The following PKHD1 variants were observed in gnomAD, a reference collection of about 807,000 sequenced individuals.
PKHD1 encodes the protein PKHD1 ciliary IPT domain containing fibrocystin/polyductin, also known as fibrocystin.
PKHD1 carries 291 observed loss-of-function variants against 412.0 expected under a neutral mutation model. That is an observed-to-expected ratio of 0.71 (90% CI 0.64 to 0.78). PKHD1 has a LOEUF of 0.78. PKHD1 is among the 30% of genes least tolerant of loss of function. PKHD1 has a pLI of 0.00. For synonymous variants in PKHD1, 1,777 were observed against 1,821.5 expected (o/e 0.98, Z 0.62); for missense variants, 4,825 against 4,950.7 (o/e 0.97, Z 0.76).
chr6:52,032,999 GA>G (rs780819840), intron 29 of PKHD1, 30 bp downstream of exon 29: 2 of 1,589,508 alleles, frequency 1.3e-6, no homozygotes, highest in Non-Finnish European at 1.7e-6. Context: ...GCTCTAAGAA[GA>G]AAAAGATCTT....
chr6:51,891,557 G>C (rs1779125803), intron 43 of PKHD1, among the ~76,000 whole-genome samples: 1 of 152,104 alleles, frequency 6.6e-6, no homozygotes, highest in African/African-American at 2.4e-5. Context: ...GGGATTATAG[G>C]CATGAGGCAC....
At chr6:51,830,039 T>A (rs1767983342) in intron 52 of PKHD1, among the ~76,000 whole-genome samples, 1 of 152,306 alleles carries the variant, frequency 6.6e-6, no homozygotes, top group East Asian at 1.9e-4. Flanking sequence ...CGGCACATTG[T>A]TAGTTCTCAG....
At chr6:52,032,694 A>G (rs1211272633) in intron 29 of PKHD1, among the ~76,000 whole-genome samples, 1 of 152,224 alleles carries the variant, frequency 6.6e-6, no homozygotes, top group Middle Eastern at 3.2e-3. Flanking sequence ...CCTATAAATT[A>G]GGGGCAAGGA....
intron 27 of PKHD1, among the ~76,000 whole-genome samples, chr6:52,042,034 A>T (rs947716106): frequency 6.6e-6 from 1 of 152,198 alleles, no homozygotes; most frequent in Non-Finnish European, 1.5e-5. Context: ...CCTACACTCA[A>T]ACCAATAATT....
At chr6:51,982,318 G>A (rs2128038191) in intron 35 of PKHD1, among the ~76,000 whole-genome samples, 1 of 75,454 alleles carries the variant, frequency 1.3e-5, no homozygotes, top group South Asian at 5.1e-4. Context: ...GTGCCCAGCG[G>A]CTCACTGGGG....
chr6:52,009,750 G>C (rs1306370433), intron 35 of PKHD1, among the ~76,000 whole-genome samples: 3 of 152,220 alleles, frequency 2.0e-5, no homozygotes, highest in African/African-American at 7.2e-5. Context: ...CTTGGAGGGA[G>C]TGGTTTAGAC....
At chr6:51,713,837 T>C (rs984117096) in intron 60 of PKHD1, among the ~76,000 whole-genome samples, 2 of 152,130 alleles carry the variant, frequency 1.3e-5, no homozygotes, top group African/African-American at 4.8e-5. Flanking sequence ...AACAGACACA[T>C]ATCTGGTCTA....
At chr6:51,750,945 T>A (rs1786018494) in intron 57 of PKHD1, among the ~76,000 whole-genome samples, 1 of 151,890 alleles carries the variant, frequency 6.6e-6, no homozygotes, top group African/African-American at 2.4e-5. Context: ...CTTGGCTAAT[T>A]TTTATATTTT....
At chr6:52,082,820 T>TG (rs1812236902) in intron 3 of PKHD1, among the ~76,000 whole-genome samples, 1 of 152,204 alleles carries the variant, frequency 6.6e-6, no homozygotes, top group African/African-American at 2.4e-5. Flanking sequence ...TGCTAAGCAA[T>TG]GGTGCAGAAG....
intron 60 of PKHD1, among the ~76,000 whole-genome samples, chr6:51,712,677 G>A (rs1212207154): frequency 1.3e-5 from 2 of 152,128 alleles, no homozygotes; most frequent in Non-Finnish European, 2.9e-5. Context: ...CTGATGTAGG[G>A]TATTGATAAA....
Position 51,748,375 on chromosome 6 carries a change from T to C in PKHD1, c.9241A>G (p.Ile3081Val), listed in dbSNP as rs142146981. 405 of 1,613,918 alleles carry C rather than the reference T, an allele frequency of 2.5e-4. 2 individuals carry two copies. The highest frequency in any genetic ancestry group is 4.9e-4 in the Middle Eastern group (3 of 6,084). Residue 3081 changes from isoleucine to valine, a missense_variant, in exon 58 of 67, where the codon ATC becomes GTC. Coordinates refer to ENST00000371117, the MANE Select transcript of PKHD1 (RefSeq NM_138694.4). ...PAWSTIWVAG[I>V]KVNQVKDINL... ...ATGTCCTTTACCTGGTTCACTTTGATTCCCGCCACCCAAATGGTGGACCAC... is the reference window on the plus strand; with the variant it reads ...ATGTCCTTTACCTGGTTCACTTTGACTCCCGCCACCCAAATGGTGGACCAC...
intron 58 of PKHD1, 124 bp downstream of exon 58, chr6:51,747,663 C>T: frequency 1.3e-6 from 1 of 785,714 alleles, no homozygotes; most frequent in South Asian, 1.5e-5. Flanking sequence ...CAATACTCAG[C>T]AGGTTGGACA....
intron 60 of PKHD1, among the ~76,000 whole-genome samples, chr6:51,662,815 A>T (rs1382717533): frequency 6.6e-6 from 1 of 152,012 alleles, no homozygotes; most frequent in Admixed American, 6.6e-5. Flanking sequence ...TCAACAACTT[A>T]AAGTAGACAA....
At chr6:51,976,931 G>C (rs113234966) in intron 35 of PKHD1, among the ~76,000 whole-genome samples, 224 of 108,582 alleles carry the variant, frequency 2.1e-3, no homozygotes, top group Non-Finnish European at 2.4e-3. Flanking sequence ...CTGGGTGATA[G>C]AGTGAGACTC....
intron 52 of PKHD1, among the ~76,000 whole-genome samples, chr6:51,828,478 A>C (rs147698373): frequency 5.9e-5 from 9 of 152,296 alleles, no homozygotes; most frequent in African/African-American, 2.2e-4. Context: ...ATCATCGTAA[A>C]AATCATTTCA....
At position 51,659,042 on chromosome 6, in the gene PKHD1, G is replaced by A. The variant is rs754803941; in HGVS notation, c.11084C>T (p.Thr3695Ile). 6.2e-7 allele frequency: 1 copy of A among 1,612,780 alleles called. No homozygotes were observed. Among genetic ancestry groups the A allele is most frequent in the East Asian group, 2.2e-5 (1 of 44,852 alleles). Residue 3695 changes from threonine to isoleucine, a missense_variant, in exon 61 of 67, where the codon ACT becomes ATT. Coordinates refer to ENST00000371117, the MANE Select transcript of PKHD1 (RefSeq NM_138694.4). ...CTCTAGTACCCCAGTCTGTTGAGCAGTGATGACTCGATGAGCCAAATTCTG... is the reference window on the plus strand; with the variant it reads ...CTCTAGTACCCCAGTCTGTTGAGCAATGATGACTCGATGAGCCAAATTCTG... Reference protein sequence around the residue: ...KLQNLAHRVITAQQTGVLENV... With the variant: ...KLQNLAHRVIIAQQTGVLENV...
intron 52 of PKHD1, among the ~76,000 whole-genome samples, chr6:51,823,504 AAGCCATAAAG>A (rs1766803701): frequency 6.6e-6 from 1 of 152,186 alleles, no homozygotes. Flanking sequence ...GCAAGTTAGC[AAGCCATAAAG>A]AGTGTCAAGG....
intron 35 of PKHD1, among the ~76,000 whole-genome samples, chr6:51,977,510 C>A (rs1481240652): frequency 6.6e-6 from 1 of 152,212 alleles, no homozygotes; most frequent in African/African-American, 2.4e-5. Flanking sequence ...CCAGGTCATT[C>A]CTCTTTCTTC....
rs574499763 is a variant in PKHD1, at chr6:51,946,983, A to G, written c.5909-12661T>C. On this transcript the variant is annotated intron_variant, in intron 36 of 66. Coordinates refer to ENST00000371117, the MANE Select transcript of PKHD1 (RefSeq NM_138694.4). ...CACAATTCTATTTTCCCCCTTACAG[A>G]AAAAATTTAAGTATAAATATTATAC... Among the ~76,000 whole-genome samples the G allele has an allele frequency of 4.2e-3, 642 of 152,340 alleles. 6 individuals carry two copies. The highest frequency in any genetic ancestry group is 0.015 in the African/African-American group (619 of 41,566).
Sources: allele counts gnomAD v4.1 joint callset (sites outside exome capture counted in the v4.1 genomes callset), GRCh38; gene constraint gnomAD v4.1.1; transcripts MANE v1.5; gene names NCBI Gene and HGNC (gene_info 2026-07-23, HGNC 2026-07-21).